SLC24A2: variants seen among roughly 807,000 people sequenced by gnomAD.
SLC24A2 encodes the protein solute carrier family 24 member 2, also known as sodium/potassium/calcium exchanger 2.
In SLC24A2, 36 loss-of-function variants were observed where a neutral mutation model predicts 62.0. That is an observed-to-expected ratio of 0.58 (90% CI 0.44 to 0.77). SLC24A2 has a LOEUF of 0.77. Among genes scored for constraint, SLC24A2 ranks in the 30% least tolerant of loss-of-function variants. SLC24A2 has a pLI of 0.00. For missense variants in SLC24A2, 846 were observed against 817.9 expected (o/e 1.03, Z -0.42); for synonymous variants, 358 against 294.0 (o/e 1.22, Z -2.23).
intron 7 of SLC24A2, among the ~76,000 whole-genome samples, chr9:19,565,099 G>T (rs1395653662): frequency 1.3e-5 from 2 of 152,208 alleles, no homozygotes; most frequent in East Asian, 3.9e-4. Context: ...CACAGTGTTG[G>T]AAGTTCTGGC....
At chr9:19,903,926 C>A in the SLC24A2 span, among the ~76,000 whole-genome samples, 1 of 152,160 alleles carries the variant, frequency 6.6e-6, no homozygotes, top group East Asian at 1.9e-4. Context: ...TATATAGAAT[C>A]AAAAAGCCTC....
At chr9:19,875,277 T>C in the SLC24A2 span, among the ~76,000 whole-genome samples, 1 of 152,216 alleles carries the variant, frequency 6.6e-6, no homozygotes, top group Non-Finnish European at 1.5e-5. Flanking sequence ...TTCTGCTTAG[T>C]AGATAACATT....
chr9:19,971,352 C>T, the SLC24A2 span, among the ~76,000 whole-genome samples: 1 of 152,106 alleles, frequency 6.6e-6, no homozygotes, highest in Non-Finnish European at 1.5e-5. Context: ...GATTATGGTA[C>T]TAGATAACTA....
the SLC24A2 span, among the ~76,000 whole-genome samples, chr9:19,947,926 T>C: frequency 6.6e-6 from 1 of 152,164 alleles, no homozygotes; most frequent in Non-Finnish European, 1.5e-5. Context: ...CCAAAGTTTA[T>C]AGGCTTTGGT....
upstream of SLC24A2, among the ~76,000 whole-genome samples, chr9:19,790,328 T>C (rs748868313): frequency 7.2e-5 from 11 of 152,154 alleles, no homozygotes; most frequent in Non-Finnish European, 1.6e-4. Context: ...GCTTGAACAA[T>C]TATGAACTCA....
At chr9:20,162,743 A>G in the SLC24A2 span, among the ~76,000 whole-genome samples, 1 of 151,888 alleles carries the variant, frequency 6.6e-6, no homozygotes, top group Non-Finnish European at 1.5e-5. Flanking sequence ...AAAATACTGG[A>G]AAACCGAATC....
At chr9:19,591,350 G>C (rs140742141) in intron 5 of SLC24A2, among the ~76,000 whole-genome samples, 3 of 152,298 alleles carry the variant, frequency 2.0e-5, no homozygotes, top group African/African-American at 7.2e-5. Flanking sequence ...ACAGTTATAT[G>C]AAAGTGAGAT....
rs922345907 is a variant in SLC24A2 at position 19,785,870 on chromosome 9, C to A, written c.930+67G>T. 5.0e-6 allele frequency: 8 copies of A among 1,607,160 alleles called. No homozygotes were observed. In the Admixed American group the frequency reaches 1.3e-4, roughly 27 times the overall value. On this transcript the variant is annotated intron_variant, in intron 2 of 10. Coordinates refer to ENST00000341998, the MANE Select transcript of SLC24A2 (RefSeq NM_020344.4). The stretch of plus-strand genomic sequence containing the variant: ...CCATCACATCAAAAGAACTGCAGAT[C>A]TCAAAAACATAATAATTCAGAACCG...
chr9:20,175,721 AAAT>A, the SLC24A2 span, among the ~76,000 whole-genome samples: 1 of 152,112 alleles, frequency 6.6e-6, no homozygotes, highest in African/African-American at 2.4e-5. Flanking sequence ...CTCAGTTTTG[AAAT>A]AATGATAGAA....
chr9:20,088,031 T>C, the SLC24A2 span, among the ~76,000 whole-genome samples: 1 of 152,236 alleles, frequency 6.6e-6, no homozygotes, highest in East Asian at 1.9e-4. Flanking sequence ...CATGTAGAGA[T>C]ATGTAGAGTC....
rs1344828980 is a variant in SLC24A2 at position 19,548,431 on chromosome 9, A to C, written c.1479+1706T>G. ...CCTAAGTTTCTTTCTACTTATGCCAACAATATACATATTCCTACCCTAGAT... is the reference window on the plus strand; with the variant it reads ...CCTAAGTTTCTTTCTACTTATGCCACCAATATACATATTCCTACCCTAGAT... On this transcript the variant is annotated intron_variant, in intron 8 of 10. Coordinates refer to ENST00000341998, the MANE Select transcript of SLC24A2 (RefSeq NM_020344.4). 2.6e-5 allele frequency among the ~76,000 whole-genome samples: 4 copies of C among 152,338 alleles called. No individual in the cohort carries two copies. The East Asian group carries it at 7.7e-4, about 29-fold the overall frequency.
the SLC24A2 span, among the ~76,000 whole-genome samples, chr9:20,061,676 A>C: frequency 1.3e-5 from 2 of 152,204 alleles, no homozygotes; most frequent in African/African-American, 4.8e-5. Context: ...ACCACATACA[A>C]ACTTTAATTC....
At chr9:20,131,483 C>G in the SLC24A2 span, among the ~76,000 whole-genome samples, 1 of 152,090 alleles carries the variant, frequency 6.6e-6, no homozygotes, top group Non-Finnish European at 1.5e-5. Context: ...GGCCCAAGGT[C>G]TTAAAGGAAG....
At chr9:19,866,782 GCC>G in the SLC24A2 span, among the ~76,000 whole-genome samples, 1 of 151,746 alleles carries the variant, frequency 6.6e-6, no homozygotes, top group South Asian at 2.1e-4. Context: ...GACTACAGGC[GCC>G]CGCCACCACG....
chr9:19,522,639 C>T (rs1366864484), intron 9 of SLC24A2, among the ~76,000 whole-genome samples: 2 of 152,200 alleles, frequency 1.3e-5, no homozygotes, highest in African/African-American at 4.8e-5. Context: ...CACAGAATCA[C>T]TGCTCCCCAT....
the SLC24A2 span, among the ~76,000 whole-genome samples, chr9:20,305,356 C>T: frequency 2.0e-5 from 3 of 152,034 alleles, no homozygotes; most frequent in Non-Finnish European, 4.4e-5. Flanking sequence ...TCGACCCCCT[C>T]GGCCTCCCAA....
At chr9:19,954,803 A>T in the SLC24A2 span, among the ~76,000 whole-genome samples, 1 of 152,074 alleles carries the variant, frequency 6.6e-6, no homozygotes, top group African/African-American at 2.4e-5. Flanking sequence ...TCTTTACTGG[A>T]GAAGTTATCC....
the SLC24A2 span, among the ~76,000 whole-genome samples, chr9:20,138,543 T>C: frequency 2.0e-5 from 3 of 152,210 alleles, no homozygotes; most frequent in African/African-American, 7.2e-5. Flanking sequence ...CCTATTATTT[T>C]ATTTGCAGAC....
chr9:20,160,942 C>T, the SLC24A2 span, among the ~76,000 whole-genome samples: 1 of 150,028 alleles, frequency 6.7e-6, no homozygotes, highest in African/African-American at 2.4e-5. Flanking sequence ...GTTAATATAT[C>T]AAAACACTAG....
Sources: gnomAD v4.1 joint callset for allele counts (sites outside exome capture counted in the v4.1 genomes callset) on GRCh38, gnomAD v4.1.1 for gene constraint, MANE v1.5 for transcripts, NCBI Gene and HGNC (gene_info 2026-07-23, HGNC 2026-07-21) for gene names.